CCDC7: variants seen among roughly 807,000 people sequenced by gnomAD.
CCDC7 encodes coiled-coil domain containing 7, also known as coiled-coil domain-containing protein 7.
A neutral mutation model predicts 196.9 loss-of-function variants in CCDC7; 183 were observed. The ratio of observed to expected loss-of-function variants is 0.93; its 90% CI spans 0.82 to 1.05. CCDC7 has a LOEUF of 1.05. CCDC7 is among the 50% of genes least tolerant of loss of function. The pLI is 0.00. For missense variants in CCDC7, 1,540 were observed against 1,482.2 expected (o/e 1.04, Z -0.64); for synonymous variants, 525 against 484.6 (o/e 1.08, Z -1.10).
intron 28 of CCDC7, among the ~76,000 whole-genome samples, chr10:32,753,104 G>T (rs2075907671): frequency 6.6e-6 from 1 of 152,090 alleles, no homozygotes; most frequent in Admixed American, 6.6e-5. Context: ...TCTTTTCAAT[G>T]TATTTCAAAC....
chr10:32,783,674 GA>G (rs2081384273), intron 29 of CCDC7, among the ~76,000 whole-genome samples: 1 of 152,102 alleles, frequency 6.6e-6, no homozygotes, highest in Admixed American at 6.6e-5. Flanking sequence ...CAAAAGAATT[GA>G]AAACAGGTAC....
At chr10:32,559,335 G>A (rs978253265) in intron 13 of CCDC7, among the ~76,000 whole-genome samples, 4 of 152,178 alleles carry the variant, frequency 2.6e-5, no homozygotes, top group African/African-American at 7.2e-5. Flanking sequence ...CTCCCAGCAC[G>A]CAGCTGGAGA....
At chr10:32,659,282 A>G (rs936858250) in intron 20 of CCDC7, among the ~76,000 whole-genome samples, 9 of 151,990 alleles carry the variant, frequency 5.9e-5, no homozygotes, top group Admixed American at 1.3e-4. Flanking sequence ...TTATTTTCTC[A>G]TTGACTCATT....
intron 24 of CCDC7, among the ~76,000 whole-genome samples, chr10:32,704,056 G>A (rs1476882812): frequency 1.3e-5 from 2 of 152,044 alleles, no homozygotes; most frequent in East Asian, 1.9e-4. Flanking sequence ...CATTGCTGGC[G>A]AGCAGCTGCG....
chr10:32,470,656 TAGAC>T (rs1200252084), intron 5 of CCDC7, among the ~76,000 whole-genome samples: 1 of 152,148 alleles, frequency 6.6e-6, no homozygotes, highest in East Asian at 1.9e-4. Flanking sequence ...GAGTTAGTAA[TAGAC>T]AGTATTAGCC....
At chr10:32,618,567 C>A (rs2139039326) in intron 18 of CCDC7, among the ~76,000 whole-genome samples, 1 of 152,084 alleles carries the variant, frequency 6.6e-6, no homozygotes, top group East Asian at 1.9e-4. Flanking sequence ...CTTCTTCTGG[C>A]AGCATATAAC....
At chr10:32,842,080 A>G (rs1185649704) in intron 33 of CCDC7, among the ~76,000 whole-genome samples, 1 of 152,136 alleles carries the variant, frequency 6.6e-6, no homozygotes, top group Non-Finnish European at 1.5e-5. Flanking sequence ...CAAATGCAAC[A>G]AAAACAAAGA....
At chr10:32,594,698 G>A (rs2138001695) in intron 18 of CCDC7, among the ~76,000 whole-genome samples, 1 of 152,256 alleles carries the variant, frequency 6.6e-6, no homozygotes, top group South Asian at 2.1e-4. Flanking sequence ...GTCATAGATA[G>A]TTCTTATTGT....
At chr10:32,620,859 G>A (rs1280055741) in intron 18 of CCDC7, among the ~76,000 whole-genome samples, 1 of 152,148 alleles carries the variant, frequency 6.6e-6, no homozygotes, top group East Asian at 1.9e-4. Context: ...GGAGGATACT[G>A]TATTCCTTCA....
At chr10:32,787,872 T>C (rs140424973) in intron 29 of CCDC7, among the ~76,000 whole-genome samples, 2 of 152,018 alleles carry the variant, frequency 1.3e-5, no homozygotes, top group East Asian at 3.9e-4. Context: ...GACTCAAGCT[T>C]CAGGCCTGCC....
At chr10:32,869,336 T>C (rs1482511138) in intron 41 of CCDC7, among the ~76,000 whole-genome samples, 1 of 152,218 alleles carries the variant, frequency 6.6e-6, no homozygotes, top group Non-Finnish European at 1.5e-5. Context: ...TGAGCATTTT[T>C]TCATGTGTCT....
At chr10:32,793,969 A>G (rs553647395) in intron 29 of CCDC7, among the ~76,000 whole-genome samples, 1 of 152,076 alleles carries the variant, frequency 6.6e-6, no homozygotes, top group Admixed American at 6.6e-5. Context: ...CTGTTTTTCT[A>G]CTTTTATATT....
chr10:32,728,916 A>G (rs774308690), exon 27 of CCDC7: 3 of 1,607,718 alleles, frequency 1.9e-6, no homozygotes, highest in Non-Finnish European at 2.6e-6. Flanking sequence ...TGAAAATGTG[A>G]TTTCTGTTCA....
intron 28 of CCDC7, among the ~76,000 whole-genome samples, chr10:32,732,652 T>C (rs1410093447): frequency 6.6e-6 from 1 of 152,146 alleles, no homozygotes; most frequent in East Asian, 1.9e-4. Flanking sequence ...AACTCTTGTC[T>C]TTATGATGGA....
chr10:32,708,584 C>G (rs2080226567), intron 24 of CCDC7, among the ~76,000 whole-genome samples: 1 of 152,134 alleles, frequency 6.6e-6, no homozygotes, highest in African/African-American at 2.4e-5. Flanking sequence ...TGACAAAGGG[C>G]TAATGTCCAG....
At chr10:32,843,104 T>C (rs2093074463) in intron 33 of CCDC7, among the ~76,000 whole-genome samples, 1 of 150,534 alleles carries the variant, frequency 6.6e-6, no homozygotes, top group Admixed American at 6.6e-5. Context: ...AAATAAATTT[T>C]TTTAAAAAAT....
At chr10:32,545,365 C>T (rs1467002939) in intron 13 of CCDC7, among the ~76,000 whole-genome samples, 1 of 152,150 alleles carries the variant, frequency 6.6e-6, no homozygotes, top group Non-Finnish European at 1.5e-5. Context: ...ATTTTGGTCT[C>T]ACAAATTAAG....
At chr10:32,568,076 G>C (rs1362572290) in intron 15 of CCDC7, among the ~76,000 whole-genome samples, 185 bp downstream of exon 16, 1 of 128,908 alleles carries the variant, frequency 7.8e-6, no homozygotes, top group East Asian at 2.5e-4. Context: ...GTGCGATCTT[G>C]GCTCACTGCA....
At chr10:32,589,051 T>C (rs1427053905) in intron 18 of CCDC7, among the ~76,000 whole-genome samples, 1 of 151,886 alleles carries the variant, frequency 6.6e-6, no homozygotes, top group Admixed American at 6.6e-5. Context: ...AATGTATAAT[T>C]AAATTATTAT....
Sources: allele counts gnomAD v4.1 joint callset (sites outside exome capture counted in the v4.1 genomes callset), GRCh38; gene constraint gnomAD v4.1.1; transcripts MANE v1.5; gene names NCBI Gene and HGNC (gene_info 2026-07-23, HGNC 2026-07-21).